Variants in PPP2R5C observed in about 807,000 individuals in gnomAD.
PPP2R5C encodes the protein protein phosphatase 2 regulatory subunit B'gamma.
Under a neutral mutation model 68.9 loss-of-function variants are expected in PPP2R5C, and 7 were observed. The ratio of observed to expected loss-of-function variants is 0.10; its 90% CI spans 0.06 to 0.19. PPP2R5C has a LOEUF of 0.19. PPP2R5C is among the 10% of genes least tolerant of loss of function. The pLI is 1.00. For missense variants in PPP2R5C, 348 were observed against 641.3 expected (o/e 0.54, Z 4.94); for synonymous variants, 210 against 222.2 (o/e 0.95, Z 0.49).
At chr14:101,828,676 C>CTTTTTT (rs547728275) in intron 1 of PPP2R5C, among the ~76,000 whole-genome samples, 1 of 131,062 alleles carries the variant, frequency 7.6e-6, no homozygotes, top group African/African-American at 2.8e-5. Context: ...CACAGATACT[C>CTTTTTT]TTTTTTTTTT....
At chr14:101,801,335 C>CAA (rs1297839964) in intron 3 of PPP2R5C, among the ~76,000 whole-genome samples, 1 of 152,124 alleles carries the variant, frequency 6.6e-6, no homozygotes, top group Non-Finnish European at 1.5e-5. Flanking sequence ...CAAATATGCA[C>CAA]AACTATTATA....
intron 1 of PPP2R5C, chr14:101,819,432 C>A: frequency 4.4e-6 from 1 of 229,130 alleles, no homozygotes; most frequent in Non-Finnish European, 8.7e-6. Context: ...AATATGGCGC[C>A]TTTCTTTCAT....
chr14:101,871,873 A>G (rs1209873615), intron 2 of PPP2R5C, among the ~76,000 whole-genome samples: 2 of 152,184 alleles, frequency 1.3e-5, no homozygotes, highest in East Asian at 3.8e-4. Flanking sequence ...ATAGAATATA[A>G]GACATTTACA....
intron 1 of PPP2R5C, chr14:101,819,283 G>T (rs2039904838): frequency 6.0e-6 from 3 of 499,710 alleles, no homozygotes; most frequent in Admixed American, 6.6e-5. Flanking sequence ...TTCACCCTGG[G>T]CAGCCTGTGG....
At chr14:101,856,956 C>G in intron 2 of PPP2R5C, 71 bp downstream of exon 4, 1 of 1,420,828 alleles carries the variant, frequency 7.0e-7, no homozygotes, top group South Asian at 1.2e-5. Context: ...GATCTCTGAG[C>G]CTAACACAGT....
rs775498271 is a variant in PPP2R5C at position 101,877,236 on chromosome 14, A to C, written c.295-4925A>C. Among the ~76,000 whole-genome samples, 1 of 152,086 alleles carries C rather than the reference A, an allele frequency of 6.6e-6. No homozygotes were observed. Among genetic ancestry groups the C allele is most frequent in the Admixed American group, 6.5e-5 (1 of 15,278 alleles). Reference sequence around the variant, plus strand: ...AGTGCTGGGATTACAGGCATGAGTCACCGCGCCTGGCCTTTACCCTTTCCA... The same window carrying C: ...AGTGCTGGGATTACAGGCATGAGTCCCCGCGCCTGGCCTTTACCCTTTCCA... On this transcript the variant is annotated intron_variant, in intron 2 of 13. Transcript: ENST00000334743. The surrounding 1 kb of genome is among the most constrained non-coding windows in gnomAD (Gnocchi z 4.2).
intron 3 of PPP2R5C, among the ~76,000 whole-genome samples, chr14:101,794,717 G>A (rs1021181004): frequency 2.6e-5 from 4 of 152,292 alleles, no homozygotes; most frequent in Admixed American, 2.6e-4. Flanking sequence ...CTAAGCTAAT[G>A]CCTAGATAAT....
intron 13 of PPP2R5C, chr14:101,921,919 A>C (rs1287137185): frequency 1.1e-6 from 1 of 918,302 alleles, no homozygotes; most frequent in Non-Finnish European, 1.3e-6. Flanking sequence ...AAAACTAGCA[A>C]ATATCATGTG....
chr14:101,810,597 ATC>A (rs1465777082), intron 1 of PPP2R5C, among the ~76,000 whole-genome samples: 1 of 152,194 alleles, frequency 6.6e-6, no homozygotes, highest in East Asian at 1.9e-4. Flanking sequence ...AAATATTGAA[ATC>A]TATCGTGGGT....
At chr14:101,802,928 C>A (rs1303431687) in intron 3 of PPP2R5C, among the ~76,000 whole-genome samples, 1 of 143,656 alleles carries the variant, frequency 7.0e-6, no homozygotes, top group African/African-American at 2.6e-5. Flanking sequence ...AGATACTTCA[C>A]ACCCACTAGG....
chr14:101,809,270 T>C (rs1399206924), upstream of PPP2R5C, among the ~76,000 whole-genome samples: 1 of 151,852 alleles, frequency 6.6e-6, no homozygotes, highest in Non-Finnish European at 1.5e-5. Context: ...AGGGAAAAAA[T>C]AGATCTCAAG....
chr14:101,880,917 G>C (rs777962463), intron 2 of PPP2R5C, among the ~76,000 whole-genome samples: 1 of 152,128 alleles, frequency 6.6e-6, no homozygotes, highest in African/African-American at 2.4e-5. Context: ...ACATCTTCTC[G>C]TTGTTATCGT....
At position 101,781,762 on chromosome 14, in the gene PPP2R5C, G is replaced by A. The variant is rs1368565256; in HGVS notation, c.94-4256G>A. On this transcript the variant is annotated intron_variant, in intron 2 of 14. Transcript: ENST00000328724. The surrounding 1 kb of genome is among the most constrained non-coding windows in gnomAD (Gnocchi z 6.4). ...GGAGGACGCCGATCTGGCCTCCTGCGTTGCGCGCTCCAACCCTCTGCTTGG... is the reference window on the plus strand; with the variant it reads ...GGAGGACGCCGATCTGGCCTCCTGCATTGCGCGCTCCAACCCTCTGCTTGG... Among the ~76,000 whole-genome samples, 2 of 151,904 alleles carry A rather than the reference G, an allele frequency of 1.3e-5. No homozygotes were observed. Among genetic ancestry groups the A allele is most frequent in the Non-Finnish European group, 2.9e-5 (2 of 67,934 alleles).
At chr14:101,850,171 G>A (rs1287791351) in intron 1 of PPP2R5C, among the ~76,000 whole-genome samples, 5 of 152,178 alleles carry the variant, frequency 3.3e-5, no homozygotes, top group African/African-American at 4.8e-5. Context: ...GCAAGGGGCC[G>A]TTCTCACTGC....
chr14:101,776,618 C>T (rs962261628), intron 2 of PPP2R5C, among the ~76,000 whole-genome samples: 1 of 152,060 alleles, frequency 6.6e-6, no homozygotes, highest in Non-Finnish European at 1.5e-5. Flanking sequence ...GGATGCTCAG[C>T]GGGTCGTGCA....
chr14:101,877,107 C>T lies in PPP2R5C; in HGVS notation c.295-5054C>T, dbSNP rs746021636. 2.4e-4 allele frequency among the ~76,000 whole-genome samples: 37 copies of T among 152,086 alleles called. No individual in the cohort carries two copies. The Middle Eastern group carries it at 0.017, about 70-fold the overall frequency. On this transcript the variant is annotated intron_variant, in intron 2 of 13. Coordinates refer to ENST00000334743, the Ensembl canonical transcript of PPP2R5C. The surrounding 1 kb of genome is among the most constrained non-coding windows in gnomAD (Gnocchi z 4.2). Reference sequence around the variant, plus strand: ...GGGATTACAGGCACCCACCACCACACCCAGCTAAGTTTTGTATTTTTAGTG... The same window carrying T: ...GGGATTACAGGCACCCACCACCACATCCAGCTAAGTTTTGTATTTTTAGTG...
exon 14 of PPP2R5C, chr14:101,927,970 G>T (rs1469668215): frequency 1.3e-5 from 2 of 152,188 alleles, no homozygotes; most frequent in Non-Finnish European, 2.9e-5. Context: ...AAGAACATGT[G>T]AATTTTATTG....
chr14:101,771,222 C>CAT (rs373554849), intron 2 of PPP2R5C, among the ~76,000 whole-genome samples: 43 of 135,490 alleles, frequency 3.2e-4, no homozygotes, highest in Non-Finnish European at 4.0e-4. Context: ...TTCTTCATCT[C>CAT]GTGTGTGTGT....
At chr14:101,901,596 G>T in intron 8 of PPP2R5C, 123 bp from the exon 11 acceptor site, 1 of 922,240 alleles carries the variant, frequency 1.1e-6, no homozygotes, top group South Asian at 1.4e-5. Context: ...CTGTAAGGAA[G>T]ATGGCACCAT....
Sources: gnomAD v4.1 joint callset for allele counts (sites outside exome capture counted in the v4.1 genomes callset) on GRCh38, gnomAD v4.1.1 for gene constraint, Gnocchi (gnomAD v3.1) non-coding constraint, MANE v1.5 for transcripts, NCBI Gene and HGNC (gene_info 2026-07-23, HGNC 2026-07-21) for gene names.